The following CDC25C variants were observed in gnomAD, a reference collection of about 807,000 sequenced individuals.
The protein encoded by CDC25C is cell division cycle 25C, also known as M-phase inducer phosphatase 3.
A neutral mutation model predicts 52.5 loss-of-function variants in CDC25C; 48 were observed. The observed-to-expected ratio is 0.91, with a 90% CI of 0.72 to 1.16. CDC25C has a LOEUF of 1.16. Ranked by LOEUF, CDC25C falls within the 50% of genes most tolerant of loss-of-function variation. CDC25C has a pLI of 0.00. For missense variants in CDC25C, 510 were observed against 566.1 expected (o/e 0.90, Z 1.01); for synonymous variants, 187 against 206.5 (o/e 0.91, Z 0.81).
rs180974734 is a variant in CDC25C at position 138,326,867 on chromosome 5, G to A, written c.336-813C>T. Among the ~76,000 whole-genome samples the A allele has an allele frequency of 3.5e-3, 509 of 147,070 alleles. 4 individuals carry two copies. Among genetic ancestry groups the A allele is most frequent in the African/African-American group, 6.9e-3 (274 of 39,636 alleles). On this transcript the variant is annotated intron_variant, in intron 4 of 13. Transcript: ENST00000323760. Reference sequence around the variant, plus strand: ...CTTGGGAGCCTGAGGCAGGAGAATCGCTTGAACCCGGGAGGGAGAGGTTGT... The same window carrying A: ...CTTGGGAGCCTGAGGCAGGAGAATCACTTGAACCCGGGAGGGAGAGGTTGT...
chr5:138,308,518 T>C (rs1298925329), intron 7 of CDC25C, among the ~76,000 whole-genome samples: 1 of 152,214 alleles, frequency 6.6e-6, no homozygotes, highest in Non-Finnish European at 1.5e-5. Context: ...ATCTTCATTT[T>C]ACATTGCTCT....
intron 12 of CDC25C, 138 bp from the exon 13 acceptor site, chr5:138,286,271 A>T (rs765316600): frequency 1.5e-4 from 117 of 806,724 alleles, no homozygotes; most frequent in Non-Finnish European, 2.2e-4. Flanking sequence ...GTGTTTGCAA[A>T]AAAAGGTCCA....
intron 6 of CDC25C, among the ~76,000 whole-genome samples, chr5:138,321,268 T>C (rs1759362808): frequency 6.6e-6 from 1 of 152,078 alleles, no homozygotes. Context: ...ATTCTGGAAA[T>C]GAGTTCTGGT....
chr5:138,306,820 CA>C (rs1230739766), intron 7 of CDC25C, among the ~76,000 whole-genome samples: 3 of 145,760 alleles, frequency 2.1e-5, no homozygotes, highest in Admixed American at 1.4e-4. Context: ...AAAACAGTAA[CA>C]AAAAAAAATC....
chr5:138,306,777 A>AT (rs895258049), intron 7 of CDC25C, among the ~76,000 whole-genome samples: 108 of 134,676 alleles, frequency 8.0e-4, no homozygotes, highest in East Asian at 2.9e-3. Flanking sequence ...TGCCTGGCCT[A>AT]TTTTTTTTTT....
intron 7 of CDC25C, among the ~76,000 whole-genome samples, chr5:138,300,209 G>A (rs150126756): frequency 6.6e-6 from 1 of 152,210 alleles, no homozygotes; most frequent in Non-Finnish European, 1.5e-5. Context: ...TGACCAGGTA[G>A]GATGTATCCC....
upstream of CDC25C, chr5:138,331,834 A>G (rs1343172755): frequency 3.0e-6 from 3 of 985,684 alleles, no homozygotes; most frequent in African/African-American, 3.5e-5. Context: ...GACCATTCAA[A>G]CCTTCCGCCA....
upstream of CDC25C, chr5:138,333,690 T>G (rs981291217): frequency 6.6e-6 from 1 of 152,156 alleles, no homozygotes; most frequent in Non-Finnish European, 1.5e-5. Context: ...GCAGATAGAT[T>G]ATGGCAAGTG....
chr5:138,303,994 G>T (rs1561687910), intron 7 of CDC25C, among the ~76,000 whole-genome samples: 1 of 152,122 alleles, frequency 6.6e-6, no homozygotes, highest in Non-Finnish European at 1.5e-5. Context: ...GCTGTATCTG[G>T]TGAGAAAAGA....
intron 1 of CDC25C, chr5:138,337,829 G>T (rs559836449): frequency 3.8e-6 from 2 of 523,730 alleles, no homozygotes; most frequent in Non-Finnish European, 6.2e-6. Flanking sequence ...AGAGGTGGTC[G>T]TGGAGGGCGG....
rs1053597763 is a variant in CDC25C, at chr5:138,289,638, C to T, written c.865-75G>A. 2.6e-5 allele frequency: 33 copies of T among 1,260,066 alleles called. No individual in the cohort carries two copies. In the African/African-American group the frequency reaches 4.0e-4, roughly 15 times the overall value. The allele number at this position is 1,260,066 out of a possible 1,614,324, so 78.1% of individuals were successfully genotyped here. A position where few individuals can be genotyped will look rare whatever the true frequency, so the allele number is the denominator to read the frequency against. ...TTGAGATCAAAGACCCTTATTTTGT[C>T]CTTCTTTCCAAGTGACCCTTAAAAC... On this transcript the variant is annotated intron_variant, in intron 9 of 13. Transcript: ENST00000323760.
intron 7 of CDC25C, among the ~76,000 whole-genome samples, chr5:138,303,366 T>C (rs952310999): frequency 6.6e-6 from 1 of 152,140 alleles, no homozygotes; most frequent in Admixed American, 6.5e-5. Flanking sequence ...GTAGTACACA[T>C]GAGGAGATGC....
chr5:138,298,833 C>G (rs1757409129), intron 7 of CDC25C, among the ~76,000 whole-genome samples: 1 of 152,068 alleles, frequency 6.6e-6, no homozygotes. Context: ...AATATGTTCT[C>G]TGACCACAAT....
rs1580793232 is a variant in CDC25C at position 138,320,403 on chromosome 5, T to C, written c.460-1029A>G. ...GCATTACTCACAATGGCCAAAAGGT[T>C]GGAAACAACTCAAAATGTCCATCAA... On this transcript the variant is annotated intron_variant, in intron 6 of 13. Coordinates refer to ENST00000323760, the MANE Select transcript of CDC25C (RefSeq NM_001790.5). Among the ~76,000 whole-genome samples the C allele has an allele frequency of 2.0e-5, 3 of 152,100 alleles. No individual in the cohort carries two copies. In the East Asian group the frequency reaches 5.8e-4, roughly 29 times the overall value.
In CDC25C at chr5:138,331,199, A is replaced by T; in HGVS notation, c.-19T>A. On this transcript the variant is annotated 5_prime_UTR_variant, in exon 2 of 14. Transcript: ENST00000323760. The stretch of plus-strand genomic sequence containing the variant: ...TAGACATGGTCTTCGAATTCTCACC[A>T]GGAGAAAAACAAAACCTAGCTAGGA... The T allele has an allele frequency of 6.2e-7, 1 of 1,612,976 alleles. No homozygotes were observed. The highest frequency in any genetic ancestry group is 8.5e-7 in the Non-Finnish European group (1 of 1,179,052).
intron 10 of CDC25C, among the ~76,000 whole-genome samples, chr5:138,288,394 A>G (rs1300944216): frequency 6.6e-6 from 1 of 151,910 alleles, no homozygotes; most frequent in East Asian, 1.9e-4. Flanking sequence ...TCTATAAAAC[A>G]TATGCTAGAA....
chr5:138,331,770 G>C lies in CDC25C; in HGVS notation c.-214C>G. 1.0e-6 allele frequency: 1 copy of C among 963,254 alleles called. No individual in the cohort carries two copies. The highest frequency in any genetic ancestry group is 1.2e-6 in the Non-Finnish European group (1 of 808,540). 59.7% of individuals were successfully genotyped at this position (963,254 alleles called of 1,614,324 possible). A position where few individuals can be genotyped will look rare whatever the true frequency, so the allele number is the denominator to read the frequency against. ...ACGTCGGACTCAGAGTCTTCCCTGAGCAGAAGGCCAAAGTTACGGCCTCTG... is the reference window on the plus strand; with the variant it reads ...ACGTCGGACTCAGAGTCTTCCCTGACCAGAAGGCCAAAGTTACGGCCTCTG... On this transcript the variant is annotated 5_prime_UTR_variant, in exon 1 of 14. Transcript: ENST00000323760.
intron 7 of CDC25C, among the ~76,000 whole-genome samples, chr5:138,311,402 G>A (rs11567985): frequency 6.6e-6 from 1 of 152,106 alleles, no homozygotes; most frequent in Admixed American, 6.6e-5. Context: ...GAGACCAGAA[G>A]AGTAACACAG....
chr5:138,296,428 TGAGACA>T (rs1757187807), intron 7 of CDC25C, among the ~76,000 whole-genome samples: 1 of 151,546 alleles, frequency 6.6e-6, no homozygotes, highest in African/African-American at 2.4e-5. Context: ...TTTATTTTTT[TGAGACA>T]GAGTCTAGCT....
Sources: gnomAD v4.1 joint callset for allele counts (sites outside exome capture counted in the v4.1 genomes callset) on GRCh38, gnomAD v4.1.1 for gene constraint, MANE v1.5 for transcripts, NCBI Gene and HGNC (gene_info 2026-07-23, HGNC 2026-07-21) for gene names.